The following CDADC1 variants were observed in gnomAD, a reference collection of about 807,000 sequenced individuals.
CDADC1 encodes the protein cytidine and dCMP deaminase domain containing 1.
CDADC1 carries 39 observed loss-of-function variants against 54.9 expected under a neutral mutation model. The ratio of observed to expected loss-of-function variants is 0.71; its 90% CI spans 0.55 to 0.93. CDADC1 has a LOEUF of 0.93. Among genes scored for constraint, CDADC1 ranks in the 40% least tolerant of loss-of-function variants. CDADC1 has a pLI of 0.00. For missense variants in CDADC1, 518 were observed against 618.8 expected (o/e 0.84, Z 1.73); for synonymous variants, 186 against 204.0 (o/e 0.91, Z 0.75).
chr13:49,257,262 C>G (rs1952567242), intron 3 of CDADC1, among the ~76,000 whole-genome samples: 1 of 152,104 alleles, frequency 6.6e-6, no homozygotes. Flanking sequence ...AAAGATTGTT[C>G]TAATAACAAA....
chr13:49,264,891 C>T (rs372769760), intron 4 of CDADC1, among the ~76,000 whole-genome samples: 2 of 152,072 alleles, frequency 1.3e-5, no homozygotes, highest in Non-Finnish European at 2.9e-5. Context: ...CCATTATTTC[C>T]CCCATTTTAC....
At chr13:49,249,158 G>A (rs1952365413) in intron 2 of CDADC1, among the ~76,000 whole-genome samples, 193 bp downstream of exon 2, 1 of 152,134 alleles carries the variant, frequency 6.6e-6, no homozygotes, top group Admixed American at 6.5e-5. Context: ...AATACTTTCT[G>A]AGAATACCAT....
chr13:49,280,921 C>T (rs1018406946), intron 8 of CDADC1, among the ~76,000 whole-genome samples: 3 of 151,620 alleles, frequency 2.0e-5, no homozygotes, highest in African/African-American at 7.3e-5. Flanking sequence ...GCAGACTCCG[C>T]CTCCTGGGTT....
intron 7 of CDADC1, among the ~76,000 whole-genome samples, chr13:49,278,764 T>C (rs904482774): frequency 3.9e-5 from 6 of 152,192 alleles, no homozygotes; most frequent in Admixed American, 1.3e-4. Context: ...CTCTCTCCAA[T>C]ATGAAACTGC....
chr13:49,257,552 C>T (rs1473622522), intron 3 of CDADC1, among the ~76,000 whole-genome samples: 11 of 152,174 alleles, frequency 7.2e-5, no homozygotes, highest in East Asian at 5.8e-4. Context: ...GGGCGGATCA[C>T]GAGATCCAGA....
intron 8 of CDADC1, among the ~76,000 whole-genome samples, chr13:49,284,424 A>T (rs781750323): frequency 6.6e-6 from 1 of 152,184 alleles, no homozygotes; most frequent in African/African-American, 2.4e-5. Context: ...AACTTATTTA[A>T]CCATTCCCAT....
chr13:49,256,590 G>A (rs530380756), intron 3 of CDADC1, among the ~76,000 whole-genome samples: 1 of 152,188 alleles, frequency 6.6e-6, no homozygotes, highest in Non-Finnish European at 1.5e-5. Context: ...TTATTAGTTG[G>A]TAAGTAGGGT....
At chr13:49,272,823 A>C (rs1365437597) in intron 5 of CDADC1, among the ~76,000 whole-genome samples, 1 of 151,706 alleles carries the variant, frequency 6.6e-6, no homozygotes, top group East Asian at 1.9e-4. Flanking sequence ...ACACCTGGCT[A>C]ATTTTTGTAT....
rs771521460 is a variant in CDADC1 at position 49,291,729 on chromosome 13, A to C, written c.1517A>C (p.Asp506Ala). 1.2e-6 allele frequency: 2 copies of C among 1,614,148 alleles called. No homozygotes were observed. Among genetic ancestry groups the C allele is most frequent in the Admixed American group, 3.3e-5 (2 of 60,004 alleles). ...CCACAGAAGGAAGAGCAGCACCAGG[A>C]CAAGAAGCTGCGCCTCGGAATCCAC... is the stretch of plus-strand genomic sequence containing the variant. Reference protein sequence around the residue: ...PVPQKEEQHQDKKLRLGIH With the variant: ...PVPQKEEQHQAKKLRLGIH Residue 506 changes from aspartate (D) to alanine (A), a missense_variant, in exon 10 of 10, where the codon GAC becomes GCC. Physicochemically the swap from Asp to Ala is moderately radical, Grantham distance 126. Coordinates refer to ENST00000251108, the MANE Select transcript of CDADC1 (RefSeq NM_030911.4).
chr13:49,250,350 T>A (rs1340335962), intron 2 of CDADC1, among the ~76,000 whole-genome samples: 3 of 152,222 alleles, frequency 2.0e-5, no homozygotes, highest in Non-Finnish European at 4.4e-5. Context: ...GTCTTTATTT[T>A]CTAATGAGTA....
intron 7 of CDADC1, 53 bp downstream of exon 7, chr13:49,278,572 G>T: frequency 8.3e-7 from 1 of 1,209,414 alleles, no homozygotes; most frequent in Non-Finnish European, 1.1e-6. Flanking sequence ...AGGGTTGGTT[G>T]AAATTAATTT....
rs1345282304 is a variant in CDADC1 at position 49,292,563 on chromosome 13, T to TA, written c.*807dup. On this transcript the variant is annotated 3_prime_UTR_variant, in exon 10 of 10. Coordinates refer to ENST00000251108, the MANE Select transcript of CDADC1 (RefSeq NM_030911.4). ...CTCCCCCATATAGTCTTCCCTTCTG[T>TA]ATAATTAACATAGGTTGTCTCATGG... 1 of 1,142,824 alleles carries TA rather than the reference T, an allele frequency of 8.8e-7. No homozygotes were observed. Among genetic ancestry groups the TA allele is most frequent in the Non-Finnish European group, 1.1e-6 (1 of 920,252 alleles). 70.8% of individuals were successfully genotyped at this position (1,142,824 alleles called of 1,614,324 possible).
rs1410065394 is a variant in CDADC1 at position 49,280,659 on chromosome 13, C to T, written c.1371C>T (p.Tyr457=). 6.3e-7 allele frequency: 1 copy of T among 1,598,348 alleles called. No homozygotes were observed. Among genetic ancestry groups the T allele is most frequent in the South Asian group, 1.1e-5 (1 of 88,004 alleles). The change falls in exon 8 of 10, where the codon TAC becomes TAT. Residue 457 remains tyrosine, a synonymous_variant. Coordinates refer to ENST00000251108, the MANE Select transcript of CDADC1 (RefSeq NM_030911.4). The stretch of plus-strand genomic sequence containing the variant: ...GAAAAAAGAAGGCAGACATCTCTTA[C>T]ATGAGGTTCGGGGAGCTTGAAGGTG... ...DVGKKKADIS[Y]MRFGELEGVS...
chr13:49,292,765 T>G lies in CDADC1; in HGVS notation c.*1008T>G, dbSNP rs775295799. ...ATTCCAAAAATGAAGGTACATTTTC[T>G]GTTCTCTCCTAGGTTAGAGAGGGGT... On this transcript the variant is annotated 3_prime_UTR_variant, in exon 10 of 10. Coordinates refer to ENST00000251108, the MANE Select transcript of CDADC1 (RefSeq NM_030911.4). The G allele has an allele frequency of 4.9e-5, 62 of 1,277,836 alleles. No homozygotes were observed. Among genetic ancestry groups the G allele is most frequent in the Non-Finnish European group, 6.1e-5 (60 of 984,524 alleles). 79.2% of individuals were successfully genotyped at this position (1,277,836 alleles called of 1,614,324 possible). A position where few individuals can be genotyped will look rare whatever the true frequency, so the allele number is the denominator to read the frequency against.
rs1448778250 is a variant in CDADC1, at chr13:49,247,994, G to A, written c.-44G>A. On this transcript the variant is annotated 5_prime_UTR_variant, in exon 1 of 10. Transcript: ENST00000251108. Reference sequence around the variant, plus strand: ...GGGCGCTAGGGCCGAGATCATGTCTGACTGGGAGAGGTTTCCTTGGCAGCA... The same window carrying A: ...GGGCGCTAGGGCCGAGATCATGTCTAACTGGGAGAGGTTTCCTTGGCAGCA... 6.5e-7 allele frequency: 1 copy of A among 1,527,380 alleles called. No homozygotes were observed. The highest frequency in any genetic ancestry group is 1.2e-5 in the South Asian group (1 of 83,564). The allele number at this position is 1,527,380 out of a possible 1,614,324, so 94.6% of individuals were successfully genotyped here. A position where few individuals can be genotyped will look rare whatever the true frequency, so the allele number is the denominator to read the frequency against.
At position 49,257,052 on chromosome 13, in the gene CDADC1, A is replaced by C. The variant is rs548080259; in HGVS notation, c.252+1139A>C. Among the ~76,000 whole-genome samples the C allele has an allele frequency of 1.1e-4, 16 of 152,236 alleles. 1 individual carries two copies. The highest frequency in any genetic ancestry group is 1.0e-3 in the Admixed American group (16 of 15,284). On this transcript the variant is annotated intron_variant, in intron 3 of 9. Transcript: ENST00000251108. ...GAGCAGCGATTCACTGAAAAGATTCAGTCCTCTGGGAGTTGTGGTAAATGG... is the reference window on the plus strand; with the variant it reads ...GAGCAGCGATTCACTGAAAAGATTCCGTCCTCTGGGAGTTGTGGTAAATGG...
intron 4 of CDADC1, among the ~76,000 whole-genome samples, chr13:49,263,211 G>A (rs1233409538): frequency 6.6e-6 from 1 of 152,192 alleles, no homozygotes; most frequent in African/African-American, 2.4e-5. Flanking sequence ...GTCACTTTCA[G>A]ATAAACAACT....
chr13:49,248,767 C>G lies in CDADC1; in HGVS notation c.83-104C>G, dbSNP rs1354283077. On this transcript the variant is annotated intron_variant, in intron 1 of 9. Transcript: ENST00000251108. ...CCCCTATCTTTTTCTGTGCCTCTTG[C>G]GAAAGCAGCTGGGCTTAGGCTGCAG... is the stretch of plus-strand genomic sequence containing the variant. The G allele has an allele frequency of 6.8e-6, 5 of 736,090 alleles. 1 individual carries two copies. The highest frequency in any genetic ancestry group is 1.2e-5 in the Non-Finnish European group (5 of 409,256). The allele number at this position is 736,090 out of a possible 1,614,324, so 45.6% of individuals were successfully genotyped here.
chr13:49,248,400 G>C (rs1038550437), intron 1 of CDADC1: 10 of 404,976 alleles, frequency 2.5e-5, no homozygotes, highest in African/African-American at 2.0e-4. Flanking sequence ...TCCAAACGGC[G>C]CTTTTGCCTT....
Sources: allele counts gnomAD v4.1 joint callset (sites outside exome capture counted in the v4.1 genomes callset), GRCh38; gene constraint gnomAD v4.1.1; transcripts MANE v1.5; gene names NCBI Gene and HGNC (gene_info 2026-07-23, HGNC 2026-07-21).